The following PLAC1 variants were observed in gnomAD, a reference collection of about 807,000 sequenced individuals.
PLAC1 encodes the protein placenta associated 1.
For synonymous variants in PLAC1, 68 were observed against 62.1 expected, an observed-to-expected ratio of 1.09 and a Z score of -0.44; for missense variants, 136 against 163.2, an observed-to-expected ratio of 0.83 and a Z score of 0.91.
chrX:134,660,678 T>A (rs925937989), upstream of PLAC1, among the ~76,000 whole-genome samples: 1 of 111,676 alleles, frequency 9.0e-6, no homozygotes, highest in Admixed American at 9.5e-5. Context: ...GAATGAGAAG[T>A]TCCAGTAAGT....
At chrX:134,750,301 T>A (rs1412890381) in intron 1 of PLAC1, among the ~76,000 whole-genome samples, 1 of 111,271 alleles carries the variant, frequency 9.0e-6, no homozygotes, top group Non-Finnish European at 1.9e-5. Flanking sequence ...ACTCATGCTG[T>A]CAACCACAGT....
chrX:134,758,143 T>C (rs2078761446), intron 1 of PLAC1, among the ~76,000 whole-genome samples: 1 of 109,030 alleles, frequency 9.2e-6, no homozygotes, highest in South Asian at 3.9e-4. Context: ...ATAAAAGAAA[T>C]TGAAGATGAC....
At chrX:134,687,015 C>T (rs2078519331) in intron 2 of PLAC1, among the ~76,000 whole-genome samples, 1 of 111,318 alleles carries the variant, frequency 9.0e-6, no homozygotes, top group Non-Finnish European at 1.9e-5. Flanking sequence ...CCCCTCAAAT[C>T]CTGTGCCACT....
At chrX:134,729,014 C>T (rs989827670) in intron 2 of PLAC1, among the ~76,000 whole-genome samples, 1 of 111,360 alleles carries the variant, frequency 9.0e-6, no homozygotes, top group African/African-American at 3.3e-5. Context: ...TAAGGAAGAG[C>T]CGTGGGCCTC....
intron 2 of PLAC1, among the ~76,000 whole-genome samples, chrX:134,684,667 G>A (rs1255406736): frequency 9.0e-6 from 1 of 111,381 alleles, no homozygotes; most frequent in South Asian, 3.8e-4. Context: ...TCATTCTCAA[G>A]TAATAATTTA....
chrX:134,581,023 T>C (rs1327743321), intron 2 of PLAC1, among the ~76,000 whole-genome samples: 1 of 111,815 alleles, frequency 8.9e-6, no homozygotes, highest in Non-Finnish European at 1.9e-5. Flanking sequence ...ACTCTTGCAT[T>C]TGTTATGGAA....
chrX:134,611,518 C>CACATACAT (rs374966699), intron 1 of PLAC1, among the ~76,000 whole-genome samples: 25 of 102,370 alleles, frequency 2.4e-4, no homozygotes, highest in East Asian at 2.2e-3. Context: ...CACACACACA[C>CACATACAT]ATACATATAC....
At chrX:134,727,926 C>T (rs2078678943) in intron 2 of PLAC1, among the ~76,000 whole-genome samples, 1 of 111,860 alleles carries the variant, frequency 8.9e-6, no homozygotes, top group South Asian at 3.7e-4. Flanking sequence ...TCTCAATAAA[C>T]AGAAAATATA....
intron 2 of PLAC1, among the ~76,000 whole-genome samples, chrX:134,595,807 T>C (rs1379905808): frequency 9.1e-6 from 1 of 110,143 alleles, no homozygotes; most frequent in Non-Finnish European, 1.9e-5. Context: ...CATTTTTTCT[T>C]ATCCACTCTG....
intron 2 of PLAC1, among the ~76,000 whole-genome samples, chrX:134,590,796 C>T (rs954180244): frequency 9.1e-6 from 1 of 110,071 alleles, no homozygotes; most frequent in African/African-American, 3.3e-5. Context: ...TAGTAGAGAC[C>T]GGGTTTCACC....
chrX:134,595,218 A>T (rs2078056902), intron 2 of PLAC1, among the ~76,000 whole-genome samples: 1 of 110,856 alleles, frequency 9.0e-6, no homozygotes, highest in South Asian at 3.7e-4. Flanking sequence ...TTATTGTCAG[A>T]GAACACACTA....
At chrX:134,567,633 C>G (rs1481119341) in intron 2 of PLAC1, among the ~76,000 whole-genome samples, 2 of 109,081 alleles carry the variant, frequency 1.8e-5, no homozygotes, top group Admixed American at 2.0e-4. Context: ...TGGTGCACGC[C>G]TGTAGTATGA....
chrX:134,657,385 C>T (rs1385420436), intron 1 of PLAC1, among the ~76,000 whole-genome samples: 4 of 111,874 alleles, frequency 3.6e-5, no homozygotes, highest in African/African-American at 1.3e-4. Context: ...TATTTGATGC[C>T]AATTAAGCAG....
intron 2 of PLAC1, among the ~76,000 whole-genome samples, chrX:134,587,580 C>CA (rs1246585016): frequency 1.2e-4 from 12 of 101,098 alleles, no homozygotes; most frequent in African/African-American, 1.8e-4. Context: ...GACCCTGTTT[C>CA]AAAAAAAAAA....
chrX:134,597,681 G>T (rs1206792460), intron 2 of PLAC1, among the ~76,000 whole-genome samples: 2 of 112,019 alleles, frequency 1.8e-5, no homozygotes, highest in Admixed American at 1.9e-4. Context: ...CCAAATTGGG[G>T]TAGAAGTTCA....
chrX:134,704,184 C>T (rs1337921135), intron 2 of PLAC1, among the ~76,000 whole-genome samples: 1 of 108,835 alleles, frequency 9.2e-6, no homozygotes, highest in African/African-American at 3.3e-5. Context: ...AAAAAAGAAG[C>T]AATGTAAAAC....
Position 134,651,664 on chromosome X carries a change from G to A in PLAC1, c.-131+6664C>T, listed in dbSNP as rs146108212. ...TGTCCCTACTCCAAACATCTCTGGC[G>A]TCCCTCTTCTCTCCCTTCTGTGCCT... is the stretch of plus-strand genomic sequence containing the variant. On this transcript the variant is annotated intron_variant, in intron 1 of 2. Transcript: ENST00000359237. Among the ~76,000 whole-genome samples the A allele has an allele frequency of 4.4e-3, 488 of 110,502 alleles. 2 individuals carry two copies. The highest frequency in any genetic ancestry group is 0.015 in the African/African-American group (460 of 30,349).
At chrX:134,679,711 A>G (rs2078487568) in intron 2 of PLAC1, among the ~76,000 whole-genome samples, 1 of 112,131 alleles carries the variant, frequency 8.9e-6, no homozygotes, top group Non-Finnish European at 1.9e-5. Context: ...TCCTAGATTC[A>G]TGGAGTTTGT....
At chrX:134,636,767 A>AT (rs200130946) in intron 1 of PLAC1, among the ~76,000 whole-genome samples, 382 of 112,300 alleles carry the variant, frequency 3.4e-3, no homozygotes, top group Non-Finnish European at 4.9e-3. Flanking sequence ...TGGGCAGACA[A>AT]TTCGCATGAC....
Sources: gnomAD v4.1 joint callset for allele counts (sites outside exome capture counted in the v4.1 genomes callset) on GRCh38, gnomAD v4.1.1 for gene constraint, MANE v1.5 for transcripts, NCBI Gene and HGNC (gene_info 2026-07-23, HGNC 2026-07-21) for gene names.